TUBGCP3: variants seen among roughly 807,000 people sequenced by gnomAD.
TUBGCP3 encodes the protein gamma-tubulin complex component 3.
TUBGCP3 carries 50 observed loss-of-function variants against 123.1 expected under a neutral mutation model. The ratio of observed to expected loss-of-function variants is 0.41; its 90% confidence interval spans 0.32 to 0.51. The LOEUF is 0.51. Ranked by LOEUF, TUBGCP3 falls within the 20% of genes least tolerant of loss-of-function variation. TUBGCP3 has a pLI of 0.36. For synonymous variants in TUBGCP3, 405 were observed against 413.9 expected, an observed-to-expected ratio of 0.98 and a Z score of 0.26; for missense variants, 882 against 1,127.0, an observed-to-expected ratio of 0.78 and a Z score of 3.11.
chr13:112,563,241 T>C (rs896120242), intron 3 of TUBGCP3, among the ~76,000 whole-genome samples: 6 of 152,202 alleles, frequency 3.9e-5, no homozygotes, highest in East Asian at 1.9e-4. Flanking sequence ...CCCCATGGTC[T>C]GCACAGCACA....
chr13:112,510,397 G>A (rs1448065936), intron 17 of TUBGCP3, among the ~76,000 whole-genome samples: 1 of 152,106 alleles, frequency 6.6e-6, no homozygotes, highest in Non-Finnish European at 1.5e-5. Context: ...CCGTATTTAT[G>A]TATTTAAAAG....
At chr13:112,554,274 A>G in intron 7 of TUBGCP3, 92 bp from the exon 8 acceptor site, 1 of 1,435,418 alleles carries the variant, frequency 7.0e-7, no homozygotes, top group South Asian at 1.3e-5. Context: ...TTTTAATACT[A>G]TAATCCTTAG....
chr13:112,577,074 G>A (rs553725170), intron 1 of TUBGCP3, among the ~76,000 whole-genome samples: 57 of 152,024 alleles, frequency 3.7e-4, no homozygotes, highest in Non-Finnish European at 6.3e-4. Flanking sequence ...AATCAGGAAG[G>A]GATACTGCCA....
chr13:112,565,769 C>G (rs1880907362), intron 2 of TUBGCP3, among the ~76,000 whole-genome samples: 1 of 152,106 alleles, frequency 6.6e-6, no homozygotes, highest in Non-Finnish European at 1.5e-5. Context: ...CGAGTCTCTA[C>G]TAAAAAATAC....
In TUBGCP3 at chr13:112,511,204, C is replaced by A. The variant is rs1036493147; in HGVS notation, c.2086+5236G>T. Among the ~76,000 whole-genome samples, 1 of 152,190 alleles carries A rather than the reference C, an allele frequency of 6.6e-6. No individual in the cohort carries two copies. ...CAGACACCCTGACCACAGTCCTGTG[C>A]GGGAAACACCCTCTGAACCCACCGC... On this transcript the variant is annotated intron_variant, in intron 17 of 21. Coordinates refer to ENST00000261965, the MANE Select transcript of TUBGCP3 (RefSeq NM_006322.6). This position sits in a 1 kb window ranked among gnomAD's most constrained non-coding sequence, Gnocchi z 4.1.
chr13:112,601,579 C>T, the TUBGCP3 span, among the ~76,000 whole-genome samples: 4 of 152,082 alleles, frequency 2.6e-5, no homozygotes, highest in African/African-American at 4.8e-5. Context: ...TCTGGAATGT[C>T]GGGTTCTGAG....
intron 20 of TUBGCP3, among the ~76,000 whole-genome samples, chr13:112,493,604 T>G: frequency 6.7e-6 from 1 of 150,100 alleles, no homozygotes; most frequent in Non-Finnish European, 1.5e-5. Context: ...CTGGTGTGCC[T>G]GAGATGCTCT....
chr13:112,526,425 C>G (rs997650212), intron 13 of TUBGCP3, among the ~76,000 whole-genome samples: 1 of 150,844 alleles, frequency 6.6e-6, no homozygotes, highest in East Asian at 2.0e-4. Context: ...CCATCACTGC[C>G]GCTACCACGC....
At chr13:112,601,980 G>A in the TUBGCP3 span, among the ~76,000 whole-genome samples, 67 of 152,262 alleles carry the variant, frequency 4.4e-4, no homozygotes, top group African/African-American at 1.5e-3. Flanking sequence ...TATGCCAGGC[G>A]CTTAGCAGTT....
intron 11 of TUBGCP3, among the ~76,000 whole-genome samples, chr13:112,533,717 T>G (rs1254657179): frequency 6.6e-6 from 1 of 150,588 alleles, no homozygotes; most frequent in Non-Finnish European, 1.5e-5. Flanking sequence ...ATTTAAAAAA[T>G]AAGCCCGCAT....
At chr13:112,600,568 G>A in the TUBGCP3 span, among the ~76,000 whole-genome samples, 1 of 152,144 alleles carries the variant, frequency 6.6e-6, no homozygotes, top group African/African-American at 2.4e-5. Context: ...TAGAAGTCAA[G>A]AAGTCTTTTA....
chr13:112,522,645 G>T, intron 13 of TUBGCP3, 136 bp from the exon 14 acceptor site: 1 of 715,020 alleles, frequency 1.4e-6, no homozygotes, highest in Non-Finnish European at 2.2e-6. Flanking sequence ...CGCAGGCACA[G>T]ACAGCTGGAC....
rs768275561 is a variant in TUBGCP3 at position 112,489,680 on chromosome 13, C to G, written c.2466G>C (p.Thr822=). 6.2e-7 allele frequency: 1 copy of G among 1,614,022 alleles called. No homozygotes were observed. The highest frequency in any genetic ancestry group is 1.7e-5 in the Admixed American group (1 of 60,016). ...QREIEGQWGV[T]AAEEEEENKR... ...TATTTTCCTCCTCTTCCTCTGCTGC[C>G]GTCACTCCCCACTGGCCCTGAACAA... Residue 822 remains threonine, a synonymous_variant, in exon 21 of 22, where the codon ACG becomes ACC. Coordinates refer to ENST00000261965, the MANE Select transcript of TUBGCP3 (RefSeq NM_006322.6).
intron 13 of TUBGCP3, among the ~76,000 whole-genome samples, chr13:112,525,400 A>T (rs935332801): frequency 6.6e-6 from 1 of 152,084 alleles, no homozygotes; most frequent in Non-Finnish European, 1.5e-5. Flanking sequence ...TTTCACCTTT[A>T]TTACTGACTA....
At chr13:112,556,364 TA>T (rs1402072270) in intron 5 of TUBGCP3, 140 bp from the exon 6 acceptor site, 4 of 813,352 alleles carry the variant, frequency 4.9e-6, no homozygotes, top group African/African-American at 1.7e-5. Flanking sequence ...GACTTTACCC[TA>T]ACCGAATATA....
chr13:112,494,980 A>C (rs9577774), intron 20 of TUBGCP3, among the ~76,000 whole-genome samples: 55,529 of 152,062 alleles, frequency 0.37, 12,621 homozygotes, highest in South Asian at 0.58. Context: ...ATCCCTCGCC[A>C]ATGGGTAGTT....
chr13:112,579,740 C>T (rs753346305), intron 1 of TUBGCP3, among the ~76,000 whole-genome samples: 26 of 152,230 alleles, frequency 1.7e-4, no homozygotes, highest in Non-Finnish European at 3.4e-4. Flanking sequence ...GCTGGTGCAG[C>T]GGCAAAGCAG....
chr13:112,551,771 G>A (rs574366438), intron 8 of TUBGCP3, among the ~76,000 whole-genome samples: 1 of 151,694 alleles, frequency 6.6e-6, no homozygotes, highest in African/African-American at 2.4e-5. Context: ...TAAGGAGAAA[G>A]AAGATAAAAG....
At chr13:112,533,032 A>G (rs1323129629) in intron 11 of TUBGCP3, among the ~76,000 whole-genome samples, 1 of 152,226 alleles carries the variant, frequency 6.6e-6, no homozygotes, top group Non-Finnish European at 1.5e-5. Context: ...GCCCAGAGGC[A>G]GCTGGGCAGA....
Sources: gnomAD v4.1 joint callset for allele counts (sites outside exome capture counted in the v4.1 genomes callset) on GRCh38, gnomAD v4.1.1 for gene constraint, Gnocchi (gnomAD v3.1) non-coding constraint, MANE v1.5 for transcripts, NCBI Gene and HGNC (gene_info 2026-07-23, HGNC 2026-07-21) for gene names.